Variants in ZNF451 observed in about 807,000 individuals in gnomAD.
ZNF451 encodes the protein E3 SUMO-protein ligase ZNF451.
A neutral mutation model predicts 107.1 loss-of-function variants in ZNF451; 80 were observed. That is an observed-to-expected ratio of 0.75 (90% confidence interval 0.62 to 0.90). The LOEUF is 0.90. Among genes scored for constraint, ZNF451 ranks in the 40% least tolerant of loss-of-function variants. The probability of loss-of-function intolerance (pLI) is 0.00; values close to 1 mark genes in which losing one functional copy is unlikely to be tolerated. For synonymous variants in ZNF451, 362 were observed against 406.5 expected, an observed-to-expected ratio of 0.89 and a Z score of 1.32; for missense variants, 1,107 against 1,236.2, an observed-to-expected ratio of 0.90 and a Z score of 1.57.
intron 13 of ZNF451, 134 bp downstream of exon 13, chr6:57,154,181 ACTTAT>A: frequency 1.2e-6 from 1 of 806,472 alleles, no homozygotes; most frequent in Non-Finnish European, 2.0e-6. Context: ...CTTCTATCTT[ACTTAT>A]CTTTTTTAAA....
intron 2 of ZNF451, chr6:57,091,549 C>T (rs971372094): frequency 1.3e-5 from 2 of 152,684 alleles, no homozygotes; most frequent in African/African-American, 2.4e-5. Context: ...CAGACAAGTG[C>T]AGGGACATAA....
chr6:57,163,490 G>A (rs1240984562), intron 14 of ZNF451, among the ~76,000 whole-genome samples: 2 of 84,138 alleles, frequency 2.4e-5, no homozygotes, highest in African/African-American at 4.2e-5. Context: ...TCGCTCTGTC[G>A]CCCAGGCTGG....
intron 3 of ZNF451, chr6:57,107,085 A>G: frequency 1.0e-6 from 1 of 985,208 alleles, no homozygotes; most frequent in Non-Finnish European, 1.2e-6. Context: ...GTTTGGTACC[A>G]TTGAGATAAC....
intron 7 of ZNF451, among the ~76,000 whole-genome samples, chr6:57,138,739 A>ATGTGTGTG (rs1243721592): frequency 4.1e-5 from 3 of 73,252 alleles, no homozygotes; most frequent in African/African-American, 5.8e-5. Context: ...ATATATATAT[A>ATGTGTGTG]TATGTGTGTG....
chr6:57,168,526 C>T lies in ZNF451; in HGVS notation c.*57C>T. On this transcript the variant is annotated 3_prime_UTR_variant, in exon 15 of 15. Transcript: ENST00000370706. ...CTTGAAGAGACTGAGATAACGAATT[C>T]TTGAGTTTGTTTTCTAAAGGAGACC... The T allele has an allele frequency of 2.1e-6, 3 of 1,404,812 alleles. No individual in the cohort carries two copies. Among genetic ancestry groups the T allele is most frequent in the African/African-American group, 1.4e-5 (1 of 70,090 alleles). 87.0% of individuals were successfully genotyped at this position (1,404,812 alleles called of 1,614,324 possible).
chr6:57,105,661 G>C (rs1829818398), intron 3 of ZNF451: 2 of 985,098 alleles, frequency 2.0e-6, no homozygotes, highest in African/African-American at 3.5e-5. Context: ...CTAATTTTGG[G>C]GGGCCTTAAG....
intron 3 of ZNF451, chr6:57,101,239 A>G: frequency 1.3e-6 from 2 of 1,551,148 alleles, no homozygotes; most frequent in Non-Finnish European, 1.7e-6. Context: ...AAAAAGGGTG[A>G]CATTACAATC....
At chr6:57,142,409 G>C (rs1418137138) in intron 9 of ZNF451, among the ~76,000 whole-genome samples, 1 of 152,190 alleles carries the variant, frequency 6.6e-6, no homozygotes, top group African/African-American at 2.4e-5. Flanking sequence ...AGAATGGAAA[G>C]TATCATATAC....
intron 7 of ZNF451, among the ~76,000 whole-genome samples, chr6:57,137,375 C>G (rs778363239): frequency 7.9e-5 from 12 of 152,168 alleles, no homozygotes; most frequent in Non-Finnish European, 1.8e-4. Flanking sequence ...AATTTCTTCA[C>G]TCTAGACTAG....
intron 4 of ZNF451, among the ~76,000 whole-genome samples, chr6:57,128,245 A>G (rs1056587768): frequency 4.6e-5 from 7 of 152,182 alleles, no homozygotes; most frequent in Non-Finnish European, 1.0e-4. Flanking sequence ...AAAAATGAAA[A>G]TAATCCTTTA....
At chr6:57,152,085 A>G (rs1415815937) in intron 11 of ZNF451, 136 bp from the exon 12 acceptor site, 5 of 657,174 alleles carry the variant, frequency 7.6e-6, no homozygotes, top group Middle Eastern at 4.3e-4. Flanking sequence ...TTATGCTAGG[A>G]TGGAGTTCTT....
intron 3 of ZNF451, among the ~76,000 whole-genome samples, chr6:57,123,869 A>G (rs1353151120): frequency 6.6e-6 from 1 of 152,162 alleles, no homozygotes; most frequent in Admixed American, 6.5e-5. Flanking sequence ...TTAACCTTGT[A>G]TCCTGCAACC....
chr6:57,110,855 G>A (rs936140661), intron 3 of ZNF451, among the ~76,000 whole-genome samples: 10 of 150,972 alleles, frequency 6.6e-5, no homozygotes, highest in African/African-American at 1.7e-4. Context: ...TGTCAACTTC[G>A]TATTCGTTTT....
Position 57,133,187 on chromosome 6 carries a change from GA to G in ZNF451, c.574del (p.Arg192GlyfsTer24). The G allele has an allele frequency of 4.3e-6, 7 of 1,613,586 alleles. No individual in the cohort carries two copies. The highest frequency in any genetic ancestry group is 5.9e-6 in the Non-Finnish European group (7 of 1,179,720). The stretch of plus-strand genomic sequence containing the variant: ...ATGGGCACCTTCTCTTAGGACATTT[GA>G]AAAGGTAAGTAGGATATTCATAATA... Reference protein sequence around the residue: ...DNGHLLLGHLKRFDHSPCDPT... With the variant: ...DNGHLLLGHLXRFDHSPCDPT... On this transcript the variant is annotated frameshift_variant, in exon 6 of 15. Transcript: ENST00000370706. LOFTEE classifies it high-confidence loss of function.
intron 3 of ZNF451, among the ~76,000 whole-genome samples, chr6:57,122,615 T>C (rs551028060): frequency 1.3e-5 from 2 of 152,150 alleles, no homozygotes; most frequent in African/African-American, 4.8e-5. Flanking sequence ...CCAATAAACA[T>C]GAAAAAATGC....
chr6:57,093,511 A>G (rs547412763), intron 2 of ZNF451, among the ~76,000 whole-genome samples: 1 of 152,308 alleles, frequency 6.6e-6, no homozygotes, highest in East Asian at 1.9e-4. Flanking sequence ...AGCTACAAGG[A>G]TTAATTTGAA....
At chr6:57,157,262 C>T (rs1304928492) in intron 13 of ZNF451, among the ~76,000 whole-genome samples, 2 of 152,094 alleles carry the variant, frequency 1.3e-5, no homozygotes, top group Non-Finnish European at 2.9e-5. Flanking sequence ...TAGGAAGGAT[C>T]TTTTGAATAT....
At position 57,102,509 on chromosome 6, in the gene ZNF451, C is replaced by T. The variant is rs1829656273; in HGVS notation, c.186+3368C>T. On this transcript the variant is annotated intron_variant, in intron 3 of 14. Coordinates refer to ENST00000370706, the MANE Select transcript of ZNF451 (RefSeq NM_001031623.3). Reference sequence around the variant, plus strand: ...ATACTAGATGTCTGTTTACTAAGACCAGAGGTAAATCCTTAACTTTTAGGT... The same window carrying T: ...ATACTAGATGTCTGTTTACTAAGACTAGAGGTAAATCCTTAACTTTTAGGT... 3.0e-6 allele frequency: 3 copies of T among 991,020 alleles called. No individual in the cohort carries two copies. The Admixed American group carries it at 1.7e-4, about 57-fold the overall frequency. 61.4% of individuals were successfully genotyped at this position (991,020 alleles called of 1,614,324 possible).
chr6:57,115,541 A>G (rs1397453079), intron 3 of ZNF451: 1 of 152,218 alleles, frequency 6.6e-6, no homozygotes, highest in Non-Finnish European at 1.5e-5. Context: ...ATACAACCGA[A>G]ATTTGCTCTG....
Sources: allele counts gnomAD v4.1 joint callset (sites outside exome capture counted in the v4.1 genomes callset), GRCh38; gene constraint gnomAD v4.1.1; transcripts MANE v1.5; gene names NCBI Gene and HGNC (gene_info 2026-07-23, HGNC 2026-07-21).